The following OR1D2 variants were observed in gnomAD, a reference collection of about 807,000 sequenced individuals.
The protein encoded by OR1D2 is olfactory receptor 1D2.
For missense variants in OR1D2, 357 were observed against 376.1 expected (o/e 0.95, Z 0.42); for synonymous variants, 157 against 153.9 (o/e 1.02, Z -0.15).
chr17:3,093,224 T>C (rs1393578585), intron 1 of OR1D2, among the ~76,000 whole-genome samples, 178 bp from the exon 2 acceptor site: 1 of 152,232 alleles, frequency 6.6e-6, no homozygotes, highest in Admixed American at 6.5e-5. Flanking sequence ...AAAGGAATAA[T>C]GTGTAATTCT....
chr17:3,095,808 C>G (rs1003674764), intron 1 of OR1D2, among the ~76,000 whole-genome samples: 1 of 151,686 alleles, frequency 6.6e-6, no homozygotes, highest in African/African-American at 2.4e-5. Flanking sequence ...ATATGTATAA[C>G]ATGTTTGTCG....
chr17:3,104,049 G>A (rs2047886033), intron 1 of OR1D2, 50 bp downstream of exon 1: 1 of 152,316 alleles, frequency 6.6e-6, no homozygotes, highest in Non-Finnish European at 1.5e-5. Context: ...AGATAAGAGA[G>A]AAGATAAGAG....
intron 1 of OR1D2, among the ~76,000 whole-genome samples, chr17:3,103,743 G>A (rs534286151): frequency 7.2e-4 from 110 of 152,156 alleles, no homozygotes; most frequent in Non-Finnish European, 1.0e-3. Context: ...TATGGAAAAG[G>A]GGTCCAAGCT....
chr17:3,092,966 C>G lies in OR1D2; in HGVS notation c.31G>C (p.Glu11Gln). 1 of 1,614,004 alleles carries G rather than the reference C, an allele frequency of 6.2e-7. No individual in the cohort carries two copies. Among genetic ancestry groups the G allele is most frequent in the Non-Finnish European group, 8.5e-7 (1 of 1,179,966 alleles). Residue 11 changes from glutamate to glutamine, a missense_variant, in exon 2 of 2, where the codon GAG becomes CAG. Glu to Gln is a conservative substitution (Grantham distance 29). Coordinates refer to ENST00000641833, the MANE Select transcript of OR1D2 (RefSeq NM_002548.3). ...TCTGACATCCCCAGGAGAAGGAACT[C>G]TGAACCTTCACTCTGGTTGCCTCCA... The part of the protein sequence containing the change: MDGGNQSEGS[E>Q]FLLLGMSESP...
rs1388420085 is a variant in OR1D2, at chr17:3,088,884, C to T, written c.*3174G>A. The T allele has an allele frequency of 7.0e-6, 1 of 142,200 alleles. No homozygotes were observed. Among genetic ancestry groups the T allele is most frequent in the African/African-American group, 3.0e-5 (1 of 33,618 alleles). The allele number at this position is 142,200 out of a possible 1,614,324, so 8.8% of individuals were successfully genotyped here. ...AGACAATATGAGGGGTGGTCTCCAC[C>T]CTTACTTTTTTTTTTTTTAATTTAA... is the stretch of plus-strand genomic sequence containing the variant. On this transcript the variant is annotated 3_prime_UTR_variant, in exon 2 of 2. Transcript: ENST00000641833.
At chr17:3,096,686 C>T (rs1031518157) in intron 1 of OR1D2, among the ~76,000 whole-genome samples, 18 of 152,150 alleles carry the variant, frequency 1.2e-4, no homozygotes, top group African/African-American at 4.1e-4. Flanking sequence ...GAAGATATAA[C>T]AATTGTAAAC....
At chr17:3,093,173 A>G (rs1302577822) in intron 1 of OR1D2, 127 bp from the exon 2 acceptor site, 1 of 641,280 alleles carries the variant, frequency 1.6e-6, no homozygotes, top group Non-Finnish European at 2.7e-6. Context: ...TTTATGCGAT[A>G]TAATTATTTC....
chr17:3,103,714 G>A (rs942156895), intron 1 of OR1D2, among the ~76,000 whole-genome samples: 3 of 152,110 alleles, frequency 2.0e-5, no homozygotes, highest in Admixed American at 6.6e-5. Flanking sequence ...GGGTGTGAGG[G>A]GGGAGATTGT....
chr17:3,095,336 C>T (rs1485941455), intron 1 of OR1D2, among the ~76,000 whole-genome samples: 1 of 151,942 alleles, frequency 6.6e-6, no homozygotes, highest in African/African-American at 2.4e-5. Context: ...ACAAAGGAGG[C>T]TCCAAGACAG....
At chr17:3,099,225 A>C (rs1478119250) in intron 1 of OR1D2, among the ~76,000 whole-genome samples, 1 of 152,096 alleles carries the variant, frequency 6.6e-6, no homozygotes, top group Non-Finnish European at 1.5e-5. Flanking sequence ...ACACATAATC[A>C]TCAGGTTCTC....
At chr17:3,098,516 G>T (rs752988427) in intron 1 of OR1D2, among the ~76,000 whole-genome samples, 5 of 152,094 alleles carry the variant, frequency 3.3e-5, no homozygotes, top group Non-Finnish European at 5.9e-5. Context: ...CCATCCAAGG[G>T]GCGGCAGCCT....
chr17:3,098,271 G>A (rs184069974), intron 1 of OR1D2, among the ~76,000 whole-genome samples: 33 of 152,244 alleles, frequency 2.2e-4, no homozygotes, highest in Admixed American at 3.9e-4. Flanking sequence ...GAACCTACTC[G>A]TATCACGTTG....
chr17:3,096,246 A>AT (rs1465172293), intron 1 of OR1D2, among the ~76,000 whole-genome samples: 1 of 152,232 alleles, frequency 6.6e-6, no homozygotes, highest in African/African-American at 2.4e-5. Context: ...CAATCATAAC[A>AT]TTAAGTGTGA....
Position 3,092,100 on chromosome 17 carries a change from A to G in OR1D2, c.897T>C (p.Ala299=). ...AGTGTTTATCTAGGAGTCTTCCCAG[A>G]GCCCCATGCATGTCCTTGTTCCTCA... The part of the protein sequence containing the change: ...YSLRNKDMHG[A]LGRLLDKHFK... Residue 299 remains alanine, a synonymous_variant, in exon 2 of 2, where the codon GCT becomes GCC. Transcript: ENST00000641833. The G allele has an allele frequency of 1.2e-6, 2 of 1,613,796 alleles. No homozygotes were observed. The highest frequency in any genetic ancestry group is 1.7e-6 in the Non-Finnish European group (2 of 1,179,868).
intron 1 of OR1D2, among the ~76,000 whole-genome samples, chr17:3,099,980 C>T (rs924921145): frequency 6.6e-6 from 1 of 152,300 alleles, no homozygotes; most frequent in Middle Eastern, 3.4e-3. Context: ...GAAAAGCTAA[C>T]TATCCTAAAT....
At chr17:3,098,415 C>T (rs907263014) in intron 1 of OR1D2, among the ~76,000 whole-genome samples, 3 of 152,090 alleles carry the variant, frequency 2.0e-5, no homozygotes, top group African/African-American at 7.2e-5. Context: ...CCCAGGCCTA[C>T]TAAAGAAGAG....
intron 1 of OR1D2, among the ~76,000 whole-genome samples, chr17:3,098,321 C>T (rs1365381237): frequency 6.6e-6 from 1 of 152,162 alleles, no homozygotes; most frequent in African/African-American, 2.4e-5. Context: ...GAGGAGCAGG[C>T]ACCCATGATT....
rs972608460 is a variant in OR1D2 at position 3,090,401 on chromosome 17, G to A, written c.*1657C>T. The A allele has an allele frequency of 6.6e-6, 1 of 152,138 alleles. No individual in the cohort carries two copies. The highest frequency in any genetic ancestry group is 1.5e-5 in the Non-Finnish European group (1 of 68,024). 9.4% of individuals were successfully genotyped at this position (152,138 alleles called of 1,614,324 possible). On this transcript the variant is annotated 3_prime_UTR_variant, in exon 2 of 2. Transcript: ENST00000641833. The stretch of plus-strand genomic sequence containing the variant: ...CCTGTGTTTTTGTGTGGGTCACCAT[G>A]TTTCTTCAAATGATCACTTGAATTC...
At position 3,089,101 on chromosome 17, in the gene OR1D2, T is replaced by C. The variant is rs1039671579; in HGVS notation, c.*2957A>G. On this transcript the variant is annotated 3_prime_UTR_variant, in exon 2 of 2. Transcript: ENST00000641833. The stretch of plus-strand genomic sequence containing the variant: ...TTTGTTTTTCTGGTTCCTTCTCATT[T>C]GGGTAGACTATGTCAGAAGGAAGAT... 1 of 152,240 alleles carries C rather than the reference T, an allele frequency of 6.6e-6. No individual in the cohort carries two copies. Among genetic ancestry groups the C allele is most frequent in the Non-Finnish European group, 1.5e-5 (1 of 68,042 alleles). 9.4% of individuals were successfully genotyped at this position (152,240 alleles called of 1,614,324 possible).
Sources: allele counts gnomAD v4.1 joint callset (sites outside exome capture counted in the v4.1 genomes callset), GRCh38; gene constraint gnomAD v4.1.1; transcripts MANE v1.5; gene names NCBI Gene and HGNC (gene_info 2026-07-23, HGNC 2026-07-21).